Variants in RIF1 observed in about 807,000 individuals in gnomAD.
The protein encoded by RIF1 is telomere-associated protein RIF1.
RIF1 carries 45 observed loss-of-function variants against 247.1 expected under a neutral mutation model. The ratio of observed to expected loss-of-function variants is 0.18; its 90% CI spans 0.14 to 0.23. The LOEUF is 0.23. Ranked by LOEUF, RIF1 falls within the 10% of genes least tolerant of loss-of-function variation. RIF1 has a pLI of 1.00. For synonymous variants in RIF1, 1,087 were observed against 978.8 expected (o/e 1.11, Z -2.06); for missense variants, 2,967 against 2,862.5 (o/e 1.04, Z -0.83).
chr2:151,493,331 TC>T (rs772704320), intron 9 of RIF1: 8 of 1,557,112 alleles, frequency 5.1e-6, no homozygotes, highest in Non-Finnish European at 6.2e-6. Flanking sequence ...TTGCACTATT[TC>T]TTTTTAGTCC....
intron 11 of RIF1, chr2:151,501,399 A>G: frequency 6.5e-7 from 1 of 1,548,222 alleles, no homozygotes; most frequent in Non-Finnish European, 8.7e-7. Context: ...ACCGAGCTAA[A>G]GTTTTCTTGA....
At chr2:151,500,683 A>C (rs991343479) in intron 11 of RIF1, among the ~76,000 whole-genome samples, 2 of 143,148 alleles carry the variant, frequency 1.4e-5, no homozygotes, top group African/African-American at 5.2e-5. Flanking sequence ...TGCAGCCTTG[A>C]CTTCCTAGGG....
chr2:151,502,843 T>C (rs1194036182), intron 11 of RIF1: 2 of 1,608,098 alleles, frequency 1.2e-6, no homozygotes, highest in South Asian at 1.1e-5. Context: ...TCTGGAGTGA[T>C]AGGTGTTGGG....
chr2:151,498,084 T>A, intron 10 of RIF1: 2 of 1,469,752 alleles, frequency 1.4e-6, no homozygotes, highest in Non-Finnish European at 1.8e-6. Context: ...AAATATCAGA[T>A]GAAGTAAAAA....
At chr2:151,468,397 A>C in intron 31 of RIF1, 77 bp from the exon 32 acceptor site, 1 of 1,156,440 alleles carries the variant, frequency 8.6e-7, no homozygotes, top group Non-Finnish European at 1.3e-6. Flanking sequence ...AAATGATTGC[A>C]GTCTAAGTTG....
At position 151,428,766 on chromosome 2, in the gene RIF1, A is replaced by AT. The variant is rs780037198; in HGVS notation, c.787-12dup. ...CATGCAGATAAATAACTTCTTAATG[A>AT]TTTTTTCCCCTTTTTAGACCTTGCA... On this transcript the variant is annotated splice_polypyrimidine_tract_variant and intron_variant, in intron 8 of 35. Transcript: ENST00000444746. 35 of 1,579,468 alleles carry AT rather than the reference A, an allele frequency of 2.2e-5. 1 individual carries two copies. Among genetic ancestry groups the AT allele is most frequent in the South Asian group, 5.6e-5 (5 of 89,748 alleles).
Position 151,465,598 on chromosome 2 carries a change from C to T in RIF1, c.6078C>T (p.Ile2026=), listed in dbSNP as rs759514616. 3.0e-5 allele frequency: 49 copies of T among 1,613,712 alleles called. No individual in the cohort carries two copies. The East Asian group carries it at 3.1e-4, about 10-fold the overall frequency. Residue 2026 remains isoleucine (I), a synonymous_variant, in exon 30 of 36, where the codon ATC becomes ATT. Transcript: ENST00000444746. ...TGAAAAATAATGAAGAAATGATGAT[C>T]GGCGAGGCAATGGCTGAAACTGGCC... ...TKMKNNEEMM[I]GEAMAETGHD... is the part of the protein sequence containing the mutation.
chr2:151,495,824 A>ATTAT (rs567310102), intron 10 of RIF1, among the ~76,000 whole-genome samples: 111 of 152,272 alleles, frequency 7.3e-4, no homozygotes, highest in Middle Eastern at 6.8e-3. Context: ...GGGATCAGGG[A>ATTAT]TTATTTTTCC....
chr2:151,465,890 TCA>T lies in RIF1; in HGVS notation c.6373_6374del (p.Gln2125ValfsTer10). On this transcript the variant is annotated frameshift_variant, in exon 30 of 36. Transcript: ENST00000444746. LOFTEE classifies it high-confidence loss of function. ...TACTTCACAGAAAGTGGAGGAACCA[TCA>T]CAGTGTCTGGCATCTGGAACAGCTA... is the stretch of plus-strand genomic sequence containing the variant. ...HHTSQKVEEPSQCLASGTAIS... is the reference protein window; with the variant it reads ...HHTSQKVEEPXQCLASGTAIS... 1 of 1,613,970 alleles carries T rather than the reference TCA, an allele frequency of 6.2e-7. No homozygotes were observed. The highest frequency in any genetic ancestry group is 8.5e-7 in the Non-Finnish European group (1 of 1,179,820).
At chr2:151,494,290 A>G (rs2058655552) in intron 9 of RIF1, 2 of 1,398,368 alleles carry the variant, frequency 1.4e-6, no homozygotes, top group South Asian at 1.3e-5. Flanking sequence ...GCCAAAAAGA[A>G]AAAGAGTTAA....
intron 24 of RIF1, 104 bp downstream of exon 24, chr2:151,458,067 G>T: frequency 4.0e-6 from 3 of 743,158 alleles, no homozygotes; most frequent in East Asian, 2.7e-5. Flanking sequence ...TTGTTACAGA[G>T]GATTCCTTAG....
Position 151,458,824 on chromosome 2 carries a change from C to T in RIF1, c.2869C>T (p.Gln957Ter). The change falls in exon 25 of 36, where the codon CAA becomes TAA. Residue 957 changes from glutamine to a stop codon, truncating the protein, a stop_gained. Coordinates refer to ENST00000444746, the MANE Select transcript of RIF1 (RefSeq NM_018151.5). LOFTEE classifies it high-confidence loss of function. ...ACTTTTTTAAAGACCAGTACTAACA[C>T]AAGCCAAACAAAAATTTCTGCTCCT... ...YPEELKPVLT[Q>*]AKQKFLLLLP... The T allele has an allele frequency of 6.2e-7, 1 of 1,610,648 alleles. No homozygotes were observed. Among genetic ancestry groups the T allele is most frequent in the Non-Finnish European group, 8.5e-7 (1 of 1,177,468 alleles).
At chr2:151,472,317 C>T (rs2048602041) in intron 34 of RIF1, among the ~76,000 whole-genome samples, 1 of 152,168 alleles carries the variant, frequency 6.6e-6, no homozygotes, top group Non-Finnish European at 1.5e-5. Flanking sequence ...CATCTGCAAA[C>T]AGGAACAATT....
the RIF1 span, among the ~76,000 whole-genome samples, chr2:151,518,106 A>G: frequency 1.3e-5 from 2 of 152,212 alleles, no homozygotes; most frequent in African/African-American, 4.8e-5. Context: ...AGCCCCTGCC[A>G]GTAGCACATA....
chr2:151,461,414 C>T (rs1233558376), intron 27 of RIF1, 125 bp downstream of exon 27: 11 of 804,800 alleles, frequency 1.4e-5, no homozygotes, highest in African/African-American at 1.9e-5. Flanking sequence ...TTTTTTGACA[C>T]GGAGTTTCAC....
chr2:151,458,791 T>G lies in RIF1; in HGVS notation c.2856-20T>G. On this transcript the variant is annotated intron_variant, in intron 24 of 35. Transcript: ENST00000444746. ...AGTACTACTTGACTTAAGGTATATATTTTATGTACTTTTTTAAAGACCAGT... is the reference window on the plus strand; with the variant it reads ...AGTACTACTTGACTTAAGGTATATAGTTTATGTACTTTTTTAAAGACCAGT... The G allele has an allele frequency of 6.8e-7, 1 of 1,468,208 alleles. No homozygotes were observed. The highest frequency in any genetic ancestry group is 1.4e-5 in the African/African-American group (1 of 71,352). The allele number at this position is 1,468,208 out of a possible 1,614,324, so 90.9% of individuals were successfully genotyped here.
the RIF1 span, among the ~76,000 whole-genome samples, chr2:151,532,624 T>C: frequency 1.9e-4 from 29 of 151,918 alleles, no homozygotes; most frequent in African/African-American, 6.3e-4. Flanking sequence ...AAACAGGATA[T>C]TTATAGGAGG....
rs1422912237 is a variant in RIF1 at position 151,475,927 on chromosome 2, C to T, written c.*856C>T. 6.6e-6 allele frequency: 1 copy of T among 152,550 alleles called. No homozygotes were observed. Among genetic ancestry groups the T allele is most frequent in the Non-Finnish European group, 1.5e-5 (1 of 67,992 alleles). 9.4% of individuals were successfully genotyped at this position (152,550 alleles called of 1,614,324 possible). On this transcript the variant is annotated 3_prime_UTR_variant, in exon 36 of 36. Coordinates refer to ENST00000444746, the MANE Select transcript of RIF1 (RefSeq NM_018151.5). ...ATCAGTATCGACGGTGGAAGTGCTT[C>T]ATGGGCTTGCTGCACATATTTGTAG...
chr2:151,460,179 A>G, intron 26 of RIF1, 60 bp downstream of exon 26: 1 of 1,273,458 alleles, frequency 7.9e-7, no homozygotes, highest in East Asian at 2.6e-5. Context: ...ACTTACATAC[A>G]ACTTTAAAAA....
Sources: gnomAD v4.1 joint callset for allele counts (sites outside exome capture counted in the v4.1 genomes callset) on GRCh38, gnomAD v4.1.1 for gene constraint, MANE v1.5 for transcripts, NCBI Gene and HGNC (gene_info 2026-07-23, HGNC 2026-07-21) for gene names.